The following SERGEF variants were observed in gnomAD, a reference collection of about 807,000 sequenced individuals.
SERGEF encodes the protein secretion-regulating guanine nucleotide exchange factor.
Under a neutral mutation model 50.0 loss-of-function variants are expected in SERGEF, and 51 were observed. The observed-to-expected ratio is 1.02, with a 90% CI of 0.81 to 1.29. SERGEF has a LOEUF of 1.29. SERGEF is among the 50% of genes most tolerant of loss of function. SERGEF has a pLI of 0.00. For missense variants in SERGEF, 521 were observed against 557.0 expected (o/e 0.94, Z 0.65); for synonymous variants, 205 against 212.4 (o/e 0.97, Z 0.30).
At chr11:17,842,118 A>C (rs1275357503) in intron 10 of SERGEF, among the ~76,000 whole-genome samples, 1 of 152,120 alleles carries the variant, frequency 6.6e-6, no homozygotes, top group East Asian at 1.9e-4. Context: ...ATAAGACTTA[A>C]GCTCCTTGAG....
intron 8 of SERGEF, among the ~76,000 whole-genome samples, chr11:17,966,461 C>T (rs1245988021): frequency 1.3e-5 from 2 of 152,070 alleles, no homozygotes; most frequent in Admixed American, 6.5e-5. Flanking sequence ...AACAGATGAC[C>T]TCTTGGATAC....
intron 10 of SERGEF, among the ~76,000 whole-genome samples, chr11:17,826,395 T>A (rs1850196505): frequency 6.6e-6 from 1 of 152,188 alleles, no homozygotes; most frequent in African/African-American, 2.4e-5. Flanking sequence ...CTTTTAATTC[T>A]CGGGCTCCCC....
chr11:17,865,096 C>T lies in SERGEF; in HGVS notation c.1048+13112G>A, dbSNP rs890130504. Among the ~76,000 whole-genome samples, 10 of 152,268 alleles carry T rather than the reference C, an allele frequency of 6.6e-5. No homozygotes were observed. The East Asian group carries it at 1.9e-3, about 29-fold the overall frequency. ...CAAAACATCACCAAGTTTCGGTCAACAACTGGACCATATATACAATGGTAG... is the reference window on the plus strand; with the variant it reads ...CAAAACATCACCAAGTTTCGGTCAATAACTGGACCATATATACAATGGTAG... On this transcript the variant is annotated intron_variant, in intron 10 of 10. Transcript: ENST00000265965.
In SERGEF at chr11:18,008,055, G is replaced by T; in HGVS notation, c.82C>A (p.Leu28Ile). 7 of 1,614,098 alleles carry T rather than the reference G, an allele frequency of 4.3e-6. No homozygotes were observed. The highest frequency in any genetic ancestry group is 5.9e-6 in the Non-Finnish European group (7 of 1,179,998). The part of the protein sequence containing the change: ...FAWGANSYGQ[L>I]GLGHKEDVLL... ...ACATCTTCCTTATGGCCGAGGCCAA[G>T]TTGCCCATAGCTATTTGCACCCTAG... The change falls in exon 2 of 11, where the codon CTT becomes ATT. Residue 28 changes from leucine (L) to isoleucine (I), a missense_variant. Transcript: ENST00000265965.
intron 9 of SERGEF, chr11:17,939,665 G>A (rs1341444095): frequency 6.6e-6 from 1 of 152,408 alleles, no homozygotes; most frequent in Non-Finnish European, 1.5e-5. Context: ...CCTGACAGAT[G>A]GGGCAGCCCT....
chr11:17,919,448 G>C (rs548140196), intron 9 of SERGEF, among the ~76,000 whole-genome samples: 3 of 152,160 alleles, frequency 2.0e-5, no homozygotes, highest in Non-Finnish European at 4.4e-5. Context: ...AGAAGAGAGA[G>C]AGATGGTTAC....
chr11:17,882,187 G>A (rs1448929023), intron 9 of SERGEF, among the ~76,000 whole-genome samples: 4 of 152,046 alleles, frequency 2.6e-5, no homozygotes, highest in South Asian at 4.1e-4. Context: ...AGGCCAAGGC[G>A]GGGGGATCGT....
chr11:17,946,799 A>G (rs2133960564), intron 9 of SERGEF, among the ~76,000 whole-genome samples: 1 of 152,296 alleles, frequency 6.6e-6, no homozygotes, highest in South Asian at 2.1e-4. Flanking sequence ...AGACTACTGG[A>G]GGAGTCAGCA....
intron 10 of SERGEF, among the ~76,000 whole-genome samples, chr11:17,828,498 G>A (rs1850241723): frequency 6.6e-6 from 1 of 152,246 alleles, no homozygotes; most frequent in African/African-American, 2.4e-5. Context: ...TTCAAGTGGA[G>A]GATCTGGCAC....
chr11:17,997,522 C>A (rs1461899410), intron 5 of SERGEF, among the ~76,000 whole-genome samples: 1 of 152,180 alleles, frequency 6.6e-6, no homozygotes, highest in Non-Finnish European at 1.5e-5. Context: ...AATTTCACTT[C>A]TGGGTACACA....
intron 10 of SERGEF, among the ~76,000 whole-genome samples, chr11:17,792,157 T>G (rs1283320326): frequency 6.6e-6 from 1 of 152,210 alleles, no homozygotes; most frequent in Non-Finnish European, 1.5e-5. Context: ...CCCTTTCCCT[T>G]AGTAGGAAGG....
intron 10 of SERGEF, among the ~76,000 whole-genome samples, chr11:17,841,459 A>C (rs1322106939): frequency 6.6e-6 from 1 of 152,304 alleles, no homozygotes; most frequent in Non-Finnish European, 1.5e-5. Flanking sequence ...TTACCTGCTA[A>C]ATATCTCAAA....
intron 9 of SERGEF, among the ~76,000 whole-genome samples, chr11:17,904,481 G>T (rs1565200299): frequency 6.6e-6 from 1 of 152,206 alleles, no homozygotes; most frequent in Non-Finnish European, 1.5e-5. Context: ...ACTGTTCTAG[G>T]AAGAGAGGTG....
At chr11:17,881,724 T>G (rs566376592) in intron 9 of SERGEF, among the ~76,000 whole-genome samples, 1 of 152,082 alleles carries the variant, frequency 6.6e-6, no homozygotes, top group Non-Finnish European at 1.5e-5. Context: ...TGTTCTGAGG[T>G]GTAAAAAGTA....
intron 5 of SERGEF, among the ~76,000 whole-genome samples, chr11:17,998,792 T>C (rs1853899784): frequency 6.8e-6 from 1 of 147,430 alleles, no homozygotes; most frequent in Non-Finnish European, 1.5e-5. Context: ...AAAAAGGCCA[T>C]GCAAGAACCG....
intron 9 of SERGEF, among the ~76,000 whole-genome samples, chr11:17,902,069 T>G (rs1565199587): frequency 6.6e-6 from 1 of 152,236 alleles, no homozygotes; most frequent in Non-Finnish European, 1.5e-5. Context: ...GGGTACTTTG[T>G]TGGACAGATA....
At chr11:17,838,847 T>C (rs900746006) in intron 10 of SERGEF, among the ~76,000 whole-genome samples, 1 of 152,206 alleles carries the variant, frequency 6.6e-6, no homozygotes, top group Non-Finnish European at 1.5e-5. Context: ...TGAGTGCCAT[T>C]GGTGGGATGT....
rs537233280 is a variant in SERGEF at position 17,925,526 on chromosome 11, T to C, written c.1011+33944A>G. Among the ~76,000 whole-genome samples, 10 of 152,318 alleles carry C rather than the reference T, an allele frequency of 6.6e-5. No homozygotes were observed. The South Asian group carries it at 2.1e-3, about 32-fold the overall frequency. On this transcript the variant is annotated intron_variant, in intron 9 of 10. Transcript: ENST00000265965. ...AACACAAAATAGTTGCCTTTTCTGC[T>C]TCTTTCCTTGCTTTCAATCTAATTA... is the stretch of plus-strand genomic sequence containing the variant.
chr11:17,974,937 G>T (rs1322417848), intron 8 of SERGEF, among the ~76,000 whole-genome samples: 1 of 152,198 alleles, frequency 6.6e-6, no homozygotes, highest in Non-Finnish European at 1.5e-5. Flanking sequence ...GGGGCTGGCT[G>T]GGGGAGAAAG....
Sources: gnomAD v4.1 joint callset for allele counts (sites outside exome capture counted in the v4.1 genomes callset) on GRCh38, gnomAD v4.1.1 for gene constraint, MANE v1.5 for transcripts, NCBI Gene and HGNC (gene_info 2026-07-23, HGNC 2026-07-21) for gene names.